Variants in GABRA2 observed in about 807,000 individuals in gnomAD.
GABRA2 encodes gamma-aminobutyric acid receptor subunit alpha-2.
Under a neutral mutation model 48.7 loss-of-function variants are expected in GABRA2, and 16 were observed. That is an observed-to-expected ratio of 0.33 (90% CI 0.22 to 0.50). GABRA2 has a LOEUF of 0.50. Among genes scored for constraint, GABRA2 ranks in the 20% least tolerant of loss-of-function variants. GABRA2 has a pLI of 0.98. For synonymous variants in GABRA2, 185 were observed against 184.5 expected, an observed-to-expected ratio of 1.00 and a Z score of -0.02; for missense variants, 275 against 535.6, an observed-to-expected ratio of 0.51 and a Z score of 4.80.
chr4:46,380,104 C>T (rs1274775608), intron 3 of GABRA2, among the ~76,000 whole-genome samples: 1 of 152,246 alleles, frequency 6.6e-6, no homozygotes, highest in South Asian at 2.1e-4. Context: ...ACTATGCTTT[C>T]AATTTTATAA....
intron 9 of GABRA2, among the ~76,000 whole-genome samples, chr4:46,257,567 A>T (rs1577778918): frequency 6.6e-6 from 1 of 151,750 alleles, no homozygotes; most frequent in African/African-American, 2.4e-5. Flanking sequence ...CATAATAAAA[A>T]ATCTTCCTTA....
intron 3 of GABRA2, among the ~76,000 whole-genome samples, chr4:46,335,204 A>G (rs1488505708): frequency 6.6e-6 from 1 of 152,092 alleles, no homozygotes; most frequent in East Asian, 1.9e-4. Flanking sequence ...GATTATATGA[A>G]TGTAGGCTAT....
intron 3 of GABRA2, among the ~76,000 whole-genome samples, chr4:46,338,385 A>T (rs1339663603): frequency 6.6e-6 from 1 of 151,916 alleles, no homozygotes; most frequent in South Asian, 2.1e-4. Flanking sequence ...GTACATAATC[A>T]TCTGCATATT....
intron 3 of GABRA2, among the ~76,000 whole-genome samples, chr4:46,334,416 A>G (rs948706846): frequency 2.6e-5 from 4 of 152,162 alleles, no homozygotes; most frequent in Non-Finnish European, 4.4e-5. Context: ...CATTTATTCA[A>G]TTAGTAACTG....
chr4:46,301,329 G>C (rs1725697106), intron 8 of GABRA2, among the ~76,000 whole-genome samples: 1 of 152,100 alleles, frequency 6.6e-6, no homozygotes, highest in Non-Finnish European at 1.5e-5. Flanking sequence ...TTTTGAAAAA[G>C]AACGGCTAAC....
At chr4:46,280,805 G>A (rs1721386722) in intron 8 of GABRA2, among the ~76,000 whole-genome samples, 1 of 152,250 alleles carries the variant, frequency 6.6e-6, no homozygotes, top group East Asian at 1.9e-4. Context: ...TGTCATAATG[G>A]TGGAGCCCTG....
rs2109356660 is a variant in GABRA2, at chr4:46,245,805, T to C, written c.*4503A>G. On this transcript the variant is annotated 3_prime_UTR_variant, in exon 10 of 10. Coordinates refer to ENST00000381620, the MANE Select transcript of GABRA2 (RefSeq NM_000807.4). ...AGCTGAAACATAAACCTGTAAATTG[T>C]TCTTTACTATTGGCAATATTAGGTA... is the stretch of plus-strand genomic sequence containing the variant. Among the ~76,000 whole-genome samples, 1 of 151,346 alleles carries C rather than the reference T, an allele frequency of 6.6e-6. No homozygotes were observed. The highest frequency in any genetic ancestry group is 6.6e-5 in the Admixed American group (1 of 15,134).
At chr4:46,358,892 A>C (rs1047667253) in intron 3 of GABRA2, among the ~76,000 whole-genome samples, 3 of 152,188 alleles carry the variant, frequency 2.0e-5, no homozygotes, top group Admixed American at 1.3e-4. Flanking sequence ...CATTCATCTC[A>C]GCCACATTAA....
At position 46,246,534 on chromosome 4, in the gene GABRA2, G is replaced by A. The variant is rs1323743259; in HGVS notation, c.*3774C>T. On this transcript the variant is annotated 3_prime_UTR_variant, in exon 10 of 10. Coordinates refer to ENST00000381620, the MANE Select transcript of GABRA2 (RefSeq NM_000807.4). ...AATTAATAAAAGGGAAGCACGAGGT[G>A]CCTATGGGACCTCAATTAAAAGGAA... is the stretch of plus-strand genomic sequence containing the variant. Among the ~76,000 whole-genome samples the A allele has an allele frequency of 2.6e-5, 4 of 151,080 alleles. No individual in the cohort carries two copies. Among genetic ancestry groups the A allele is most frequent in the Non-Finnish European group, 5.9e-5 (4 of 67,388 alleles).
rs1156253698 is a variant in GABRA2 at position 46,289,879 on chromosome 4, TTTTA to T, written c.856+13577_856+13580del. Among the ~76,000 whole-genome samples, 825 of 128,322 alleles carry T rather than the reference TTTTA, an allele frequency of 6.4e-3. 10 individuals are homozygous for T. Among genetic ancestry groups the T allele is most frequent in the African/African-American group, 0.035 (768 of 21,962 alleles). 84.2% of individuals were successfully genotyped at this position (128,322 alleles called of 152,430 possible). A position where few individuals can be genotyped will look rare whatever the true frequency, so the allele number is the denominator to read the frequency against. Reference sequence around the variant, plus strand: ...GGAAAGTGTTGAGTATACCAGTTTATTTTATTTATTTATTTATTTATTTATTTAT... The same window carrying T: ...GGAAAGTGTTGAGTATACCAGTTTATTTTATTTATTTATTTATTTATTTAT... On this transcript the variant is annotated intron_variant, in intron 8 of 9. Transcript: ENST00000381620.
At chr4:46,320,748 G>A (rs1272772394) in intron 4 of GABRA2, among the ~76,000 whole-genome samples, 5 of 151,796 alleles carry the variant, frequency 3.3e-5, no homozygotes, top group East Asian at 3.9e-4. Flanking sequence ...AAGAGATAAC[G>A]AGTGTTGGCC....
intron 3 of GABRA2, among the ~76,000 whole-genome samples, chr4:46,376,274 T>C (rs1010267063): frequency 6.6e-6 from 1 of 152,250 alleles, no homozygotes; most frequent in African/African-American, 2.4e-5. Flanking sequence ...ACTACCAATA[T>C]AGATTTCTAC....
intron 6 of GABRA2, among the ~76,000 whole-genome samples, chr4:46,307,991 A>G (rs1726998083): frequency 1.3e-5 from 2 of 152,184 alleles, no homozygotes; most frequent in Admixed American, 1.3e-4. Flanking sequence ...AATTCATTAT[A>G]AATTCCACTT....
intron 4 of GABRA2, among the ~76,000 whole-genome samples, chr4:46,319,239 C>A (rs776301022): frequency 2.0e-5 from 3 of 151,740 alleles, no homozygotes; most frequent in Non-Finnish European, 3.0e-5. Context: ...GTACTTATAG[C>A]CAATTCCTGA....
At chr4:46,323,220 C>T (rs1729756264) in intron 4 of GABRA2, among the ~76,000 whole-genome samples, 1 of 151,850 alleles carries the variant, frequency 6.6e-6, no homozygotes, top group Non-Finnish European at 1.5e-5. Context: ...TCTTTATGGC[C>T]TTTATGGTCT....
intron 8 of GABRA2, among the ~76,000 whole-genome samples, chr4:46,274,867 A>G: frequency 6.6e-6 from 1 of 152,092 alleles, no homozygotes. Context: ...GGGGTCTACA[A>G]TTAGACCCCC....
intron 3 of GABRA2, among the ~76,000 whole-genome samples, chr4:46,375,940 T>C (rs1172706539): frequency 2.0e-5 from 3 of 152,234 alleles, no homozygotes; most frequent in Non-Finnish European, 4.4e-5. Flanking sequence ...TCCAGTTAAA[T>C]GGTACAAGTA....
intron 3 of GABRA2, chr4:46,365,309 ATT>A (rs1314950989): frequency 1.3e-5 from 2 of 152,134 alleles, no homozygotes; most frequent in Non-Finnish European, 2.9e-5. Context: ...TCTATGGAGA[ATT>A]TTGCAATAAA....
intron 4 of GABRA2, among the ~76,000 whole-genome samples, chr4:46,316,296 G>T (rs1329025059): frequency 1.3e-5 from 2 of 151,962 alleles, no homozygotes; most frequent in African/African-American, 4.8e-5. Context: ...TTTCCATTAA[G>T]TGTTAGTCAA....
Sources: allele counts gnomAD v4.1 joint callset (sites outside exome capture counted in the v4.1 genomes callset), GRCh38; gene constraint gnomAD v4.1.1; transcripts MANE v1.5; gene names NCBI Gene and HGNC (gene_info 2026-07-23, HGNC 2026-07-21).